The following HIVEP2 variants were observed in gnomAD, a reference collection of about 807,000 sequenced individuals.
The protein encoded by HIVEP2 is transcription factor HIVEP2.
In HIVEP2, 14 loss-of-function variants were observed where a neutral mutation model predicts 180.7. The ratio of observed to expected loss-of-function variants is 0.08; its 90% CI spans 0.05 to 0.12. The LOEUF is 0.12. HIVEP2 is among the 10% of genes least tolerant of loss of function. HIVEP2 has a pLI of 1.00. For missense variants in HIVEP2, 2,579 were observed against 3,008.5 expected, an observed-to-expected ratio of 0.86 and a Z score of 3.34; for synonymous variants, 1,184 against 1,136.4, an observed-to-expected ratio of 1.04 and a Z score of -0.84.
At position 142,769,658 on chromosome 6, in the gene HIVEP2, A is replaced by T; in HGVS notation, c.5081T>A (p.Leu1694Gln). 2 of 1,614,194 alleles carry T rather than the reference A, an allele frequency of 1.2e-6. No individual in the cohort carries two copies. The highest frequency in any genetic ancestry group is 1.7e-6 in the Non-Finnish European group (2 of 1,180,032). Residue 1694 changes from leucine to glutamine, a missense_variant, in exon 5 of 10, where the codon CTG (leucine) becomes CAG (glutamine). Physicochemically the swap from Leu to Gln is moderately radical, Grantham distance 113. Around this residue, in one of 11 missense-constraint regions of HIVEP2, gnomAD observed 349 missense variants for 367.2 expected, o/e 0.95. Transcript: ENST00000367603. ...TGCAGTGATTTTTTGCTTGGACCTC[A>T]GAAGAGCCAGCGTGGTCTTGGTGTT... ...GLNTKTTLAL[L>Q]RSKQKITAEI...
At chr6:142,837,934 C>T (rs761295011) in intron 1 of HIVEP2, among the ~76,000 whole-genome samples, 5 of 152,006 alleles carry the variant, frequency 3.3e-5, no homozygotes, top group Non-Finnish European at 5.9e-5. Context: ...GAACATCAAA[C>T]ACAATCATAT....
intron 1 of HIVEP2, among the ~76,000 whole-genome samples, chr6:142,898,222 C>T (rs1310351423): frequency 1.3e-5 from 2 of 152,094 alleles, no homozygotes; most frequent in Admixed American, 1.3e-4. Flanking sequence ...CTTTACAGAC[C>T]AGGAAATCAA....
intron 2 of HIVEP2, among the ~76,000 whole-genome samples, chr6:142,812,591 G>A (rs6918227): frequency 0.029 from 4,365 of 152,162 alleles, 194 homozygotes; most frequent in African/African-American, 0.1. Context: ...CATCTAATCC[G>A]AAATTATGAA....
At chr6:142,843,547 A>G (rs747319296) in intron 1 of HIVEP2, among the ~76,000 whole-genome samples, 1 of 152,178 alleles carries the variant, frequency 6.6e-6, no homozygotes, top group Admixed American at 6.5e-5. Flanking sequence ...GCAGGCCACC[A>G]CTAAGGGCAA....
intron 1 of HIVEP2, among the ~76,000 whole-genome samples, chr6:142,928,969 G>A (rs553083052): frequency 6.6e-6 from 1 of 152,316 alleles, no homozygotes; most frequent in Non-Finnish European, 1.5e-5. Flanking sequence ...ATTCTTGACT[G>A]TAAATGTGAT....
intron 1 of HIVEP2, among the ~76,000 whole-genome samples, chr6:142,890,077 T>G (rs924006270): frequency 1.6e-4 from 25 of 152,286 alleles, no homozygotes; most frequent in Admixed American, 1.3e-3. Context: ...CAAGTGCCAG[T>G]GTTAATTAGG....
intron 2 of HIVEP2, among the ~76,000 whole-genome samples, chr6:142,818,520 T>C (rs1455297253): frequency 1.3e-5 from 2 of 151,448 alleles, no homozygotes; most frequent in African/African-American, 4.9e-5. Context: ...CCACAAAAAA[T>C]TAGCCAGGCG....
intron 2 of HIVEP2, among the ~76,000 whole-genome samples, chr6:142,792,415 G>A (rs529029360): frequency 2.0e-5 from 3 of 152,264 alleles, no homozygotes; most frequent in African/African-American, 7.2e-5. Context: ...TCCTTTGCAA[G>A]GACATGGATG....
At position 142,945,102 on chromosome 6, in the gene HIVEP2, A is replaced by T. The variant is rs1387967328; in HGVS notation, c.-644T>A. ...CCGCGGCCCCCTCCCCCGCTACCTG[A>T]CAACGGGCCGCCGCCGGCCGCCGCA... On this transcript the variant is annotated 5_prime_UTR_variant, in exon 1 of 10. Transcript: ENST00000367603. The surrounding 1 kb of genome is among the most constrained non-coding windows in gnomAD (Gnocchi z 5.5). The T allele has an allele frequency of 6.8e-6, 1 of 146,498 alleles. No homozygotes were observed. Among genetic ancestry groups the T allele is most frequent in the Non-Finnish European group, 1.5e-5 (1 of 66,148 alleles). The allele number at this position is 146,498 out of a possible 1,614,324, so 9.1% of individuals were successfully genotyped here.
chr6:142,929,746 G>A (rs1777897306), intron 1 of HIVEP2, among the ~76,000 whole-genome samples: 1 of 152,110 alleles, frequency 6.6e-6, no homozygotes, highest in South Asian at 2.1e-4. Flanking sequence ...GTTTCATTCA[G>A]GATTGGTTTC....
intron 1 of HIVEP2, among the ~76,000 whole-genome samples, chr6:142,842,861 C>G (rs988108452): frequency 2.0e-5 from 3 of 151,970 alleles, no homozygotes; most frequent in African/African-American, 7.3e-5. Context: ...TGTCTTGAAT[C>G]AGAATACAAA....
At chr6:142,906,752 A>T (rs977780087) in intron 1 of HIVEP2, among the ~76,000 whole-genome samples, 1 of 152,196 alleles carries the variant, frequency 6.6e-6, no homozygotes, top group African/African-American at 2.4e-5. Flanking sequence ...TGATTTTGAA[A>T]GTAAGGATTG....
chr6:142,869,677 T>C (rs2128410912), intron 1 of HIVEP2, among the ~76,000 whole-genome samples: 1 of 152,232 alleles, frequency 6.6e-6, no homozygotes, highest in South Asian at 2.1e-4. Flanking sequence ...AATGTAAAAG[T>C]GTATCGCCAC....
chr6:142,873,587 C>G (rs754057558), intron 1 of HIVEP2, among the ~76,000 whole-genome samples: 4 of 152,218 alleles, frequency 2.6e-5, no homozygotes, highest in Non-Finnish European at 5.9e-5. Flanking sequence ...TATGATTATT[C>G]TCAATTTTGA....
At chr6:142,904,432 GAAC>G (rs1415404831) in intron 1 of HIVEP2, among the ~76,000 whole-genome samples, 3 of 152,022 alleles carry the variant, frequency 2.0e-5, no homozygotes, top group Non-Finnish European at 4.4e-5. Context: ...TGTTCATGTT[GAAC>G]AACAGGACCT....
At chr6:142,816,661 C>A (rs952845794) in intron 2 of HIVEP2, among the ~76,000 whole-genome samples, 1 of 152,180 alleles carries the variant, frequency 6.6e-6, no homozygotes, top group Non-Finnish European at 1.5e-5. Context: ...CTAAAGCAAA[C>A]TATACATTGT....
At chr6:142,762,706 A>AG (rs768973155) in intron 7 of HIVEP2, among the ~76,000 whole-genome samples, 11 of 152,310 alleles carry the variant, frequency 7.2e-5, no homozygotes, top group Non-Finnish European at 1.2e-4. Flanking sequence ...TTCCTCTGGT[A>AG]GGGGTGTTCA....
chr6:142,863,606 A>C (rs1352670010), intron 1 of HIVEP2, among the ~76,000 whole-genome samples: 1 of 152,348 alleles, frequency 6.6e-6, no homozygotes, highest in East Asian at 1.9e-4. Context: ...AGAAAGAAAG[A>C]GGAAATAAAA....
intron 1 of HIVEP2, among the ~76,000 whole-genome samples, chr6:142,913,263 T>C (rs1777461637): frequency 6.6e-6 from 1 of 152,246 alleles, no homozygotes; most frequent in Admixed American, 6.5e-5. Flanking sequence ...CTACTTTCAC[T>C]CTGACGACTT....
Sources: gnomAD v4.1 joint callset for allele counts (sites outside exome capture counted in the v4.1 genomes callset) on GRCh38, gnomAD v4.1.1 for gene constraint, gnomAD v4.1.1 regional missense constraint, Gnocchi (gnomAD v3.1) non-coding constraint, MANE v1.5 for transcripts, NCBI Gene and HGNC (gene_info 2026-07-23, HGNC 2026-07-21) for gene names.